The following ZFP64 variants were observed in gnomAD, a reference collection of about 807,000 sequenced individuals.
ZFP64 encodes zinc finger protein 64.
ZFP64 carries 14 observed loss-of-function variants against 51.6 expected under a neutral mutation model. That is an observed-to-expected ratio of 0.27 (90% CI 0.18 to 0.42). ZFP64 has a LOEUF of 0.42. ZFP64 is among the 10% of genes least tolerant of loss of function. ZFP64 has a pLI of 1.00. For missense variants in ZFP64, 754 were observed against 906.8 expected, an observed-to-expected ratio of 0.83 and a Z score of 2.16; for synonymous variants, 375 against 361.4, an observed-to-expected ratio of 1.04 and a Z score of -0.43.
chr20:52,181,777 C>T (rs966565932), intron 2 of ZFP64, among the ~76,000 whole-genome samples: 6 of 152,178 alleles, frequency 3.9e-5, no homozygotes, highest in Non-Finnish European at 1.5e-5. Context: ...AGCCCGGGCA[C>T]CGGTATCCTT....
At chr20:52,125,835 CTAAT>C (rs1979420751) in intron 5 of ZFP64, among the ~76,000 whole-genome samples, 1 of 152,152 alleles carries the variant, frequency 6.6e-6, no homozygotes, top group African/African-American at 2.4e-5. Flanking sequence ...TATGGCTACA[CTAAT>C]TGACTGCCTA....
At chr20:52,130,400 G>A (rs558685103) in intron 5 of ZFP64, among the ~76,000 whole-genome samples, 8 of 152,082 alleles carry the variant, frequency 5.3e-5, no homozygotes, top group African/African-American at 1.7e-4. Context: ...TTTTTGTAGA[G>A]AGGGGGTCTC....
At chr20:52,115,197 CAA>C (rs11484315) in intron 5 of ZFP64, among the ~76,000 whole-genome samples, 138 of 90,022 alleles carry the variant, frequency 1.5e-3, no homozygotes, top group Non-Finnish European at 2.3e-3. Flanking sequence ...GAGTGAGTCT[CAA>C]AAAAAAAAAA....
At chr20:52,129,583 C>T (rs933976903) in intron 5 of ZFP64, among the ~76,000 whole-genome samples, 5 of 152,172 alleles carry the variant, frequency 3.3e-5, no homozygotes, top group Admixed American at 2.6e-4. Context: ...CTCACTCCTC[C>T]GTTCTTTGTC....
intron 1 of ZFP64, among the ~76,000 whole-genome samples, chr20:52,187,783 C>A (rs943338057): frequency 6.6e-6 from 1 of 152,032 alleles, no homozygotes; most frequent in Non-Finnish European, 1.5e-5. Flanking sequence ...ACCCATGGGG[C>A]ACTAGTGGCA....
At chr20:52,181,247 T>C (rs1983594881) in intron 2 of ZFP64, among the ~76,000 whole-genome samples, 2 of 152,122 alleles carry the variant, frequency 1.3e-5, no homozygotes, top group Admixed American at 6.6e-5. Context: ...CAGCCCCCTC[T>C]CTGTTTATTT....
chr20:52,129,223 A>G (rs1600733248), intron 5 of ZFP64, among the ~76,000 whole-genome samples: 1 of 151,338 alleles, frequency 6.6e-6, no homozygotes, highest in Admixed American at 6.6e-5. Flanking sequence ...CTGGGACTAC[A>G]GGCGCCCACC....
chr20:52,161,820 G>C (rs1029499029), intron 4 of ZFP64, among the ~76,000 whole-genome samples: 1 of 152,164 alleles, frequency 6.6e-6, no homozygotes, highest in Non-Finnish European at 1.5e-5. Flanking sequence ...GGTCTATTAG[G>C]AGAGCTGACT....
At chr20:52,138,073 G>A (rs1980069973) in intron 5 of ZFP64, among the ~76,000 whole-genome samples, 2 of 151,634 alleles carry the variant, frequency 1.3e-5, no homozygotes. Context: ...CAGGCATGGA[G>A]GCACACATCT....
At chr20:52,140,701 A>G (rs900500015) in intron 5 of ZFP64, among the ~76,000 whole-genome samples, 1 of 152,250 alleles carries the variant, frequency 6.6e-6, no homozygotes, top group African/African-American at 2.4e-5. Flanking sequence ...TAGAAGCTGC[A>G]GCAAGTTACC....
At chr20:52,095,133 CAG>C (rs2078974761) in intron 7 of ZFP64, among the ~76,000 whole-genome samples, 1 of 152,356 alleles carries the variant, frequency 6.6e-6, no homozygotes, top group Non-Finnish European at 1.5e-5. Flanking sequence ...ACAACTGGGT[CAG>C]AGACACACGC....
chr20:52,144,928 A>C (rs970172215), intron 5 of ZFP64, among the ~76,000 whole-genome samples: 2 of 152,220 alleles, frequency 1.3e-5, no homozygotes, highest in African/African-American at 4.8e-5. Context: ...CAGATAAGGT[A>C]TACAACCTGA....
chr20:52,189,644 T>C (rs931708675), intron 1 of ZFP64, among the ~76,000 whole-genome samples: 3 of 151,820 alleles, frequency 2.0e-5, no homozygotes, highest in Non-Finnish European at 4.4e-5. Context: ...CAGGCTAATT[T>C]TGAATTTTTA....
chr20:52,097,671 T>G (rs1289507033), intron 6 of ZFP64, among the ~76,000 whole-genome samples: 1 of 152,034 alleles, frequency 6.6e-6, no homozygotes, highest in Non-Finnish European at 1.5e-5. Flanking sequence ...GCCAGGCTGG[T>G]CTGGTCTCAA....
At chr20:52,182,910 A>G (rs1258168598) in intron 2 of ZFP64, among the ~76,000 whole-genome samples, 1 of 152,244 alleles carries the variant, frequency 6.6e-6, no homozygotes, top group South Asian at 2.1e-4. Context: ...ATGGAGATAC[A>G]CCTTAAAGTC....
At chr20:52,131,694 C>T (rs557320937) in intron 5 of ZFP64, among the ~76,000 whole-genome samples, 1 of 152,096 alleles carries the variant, frequency 6.6e-6, no homozygotes, top group Non-Finnish European at 1.5e-5. Flanking sequence ...TATATGCATC[C>T]AACTCTGGAG....
intron 5 of ZFP64, among the ~76,000 whole-genome samples, chr20:52,142,377 G>GACAC (rs142317072): frequency 0.036 from 4,254 of 118,404 alleles, 102 homozygotes; most frequent in African/African-American, 0.07. Context: ...CACACACACA[G>GACAC]ACACACACAC....
At chr20:52,099,318 A>AGCAT in intron 5 of ZFP64, among the ~76,000 whole-genome samples, 1 of 58,710 alleles carries the variant, frequency 1.7e-5, no homozygotes, top group African/African-American at 9.9e-5. Context: ...GCAATGTCAA[A>AGCAT]CTTTTTTTTT....
At chr20:52,178,313 C>A (rs1983382772) in intron 2 of ZFP64, among the ~76,000 whole-genome samples, 1 of 152,082 alleles carries the variant, frequency 6.6e-6, no homozygotes, top group African/African-American at 2.4e-5. Flanking sequence ...GGTTTGAGAC[C>A]CGGTTCTGCC....
Sources: allele counts gnomAD v4.1 joint callset (sites outside exome capture counted in the v4.1 genomes callset), GRCh38; gene constraint gnomAD v4.1.1; transcripts MANE v1.5; gene names NCBI Gene and HGNC (gene_info 2026-07-23, HGNC 2026-07-21).